The following ALG8 variants were observed in gnomAD, a reference collection of about 807,000 sequenced individuals.
ALG8 encodes the protein dolichyl pyrophosphate Glc1Man9GlcNAc2 alpha-1,3-glucosyltransferase.
A neutral mutation model predicts 70.2 loss-of-function variants in ALG8; 48 were observed. The observed-to-expected ratio is 0.68, with a 90% CI of 0.54 to 0.87. ALG8 has a LOEUF of 0.87. ALG8 is among the 40% of genes least tolerant of loss of function. The pLI is 0.00. For synonymous variants in ALG8, 234 were observed against 229.0 expected, an observed-to-expected ratio of 1.02 and a Z score of -0.20; for missense variants, 572 against 608.7, an observed-to-expected ratio of 0.94 and a Z score of 0.64.
chr11:78,136,283 T>C (rs993252532), intron 1 of ALG8, among the ~76,000 whole-genome samples: 3 of 150,592 alleles, frequency 2.0e-5, no homozygotes, highest in Non-Finnish European at 4.4e-5. Flanking sequence ...GGCAACACAG[T>C]GACACCTCGT....
At position 78,114,282 on chromosome 11, in the gene ALG8, G is replaced by C; in HGVS notation, c.657C>G (p.Phe219Leu). 1 of 1,614,096 alleles carries C rather than the reference G, an allele frequency of 6.2e-7. No homozygotes were observed. The change falls in exon 6 of 13, where the codon TTC becomes TTG. Residue 219 changes from phenylalanine to leucine, a missense_variant. Physicochemically the swap from Phe to Leu is conservative, Grantham distance 22. Transcript: ENST00000299626. ...YGVYLLRSYC[F>L]TANKPDGSIR... is the part of the protein sequence containing the mutation. ...AAAACTTGCCTGGTTTATTTGCAGT[G>C]AAACAGTAGGATCGCAGCAGATATA...
chr11:78,134,690 C>G (rs1861467180), intron 1 of ALG8, among the ~76,000 whole-genome samples: 2 of 152,230 alleles, frequency 1.3e-5, no homozygotes, highest in South Asian at 4.1e-4. Flanking sequence ...GAGTGCATCT[C>G]AAAAGAAACC....
intron 1 of ALG8, among the ~76,000 whole-genome samples, chr11:78,129,720 G>A (rs1490170241): frequency 6.6e-6 from 1 of 152,150 alleles, no homozygotes; most frequent in Admixed American, 6.6e-5. Flanking sequence ...CACTCTGAAG[G>A]CCAGTGAAAT....
At chr11:78,131,254 C>G (rs1022759035) in intron 1 of ALG8, among the ~76,000 whole-genome samples, 1 of 151,244 alleles carries the variant, frequency 6.6e-6, no homozygotes, top group Non-Finnish European at 1.5e-5. Flanking sequence ...AAAAGCAAAA[C>G]TAAGACTAGA....
At chr11:78,109,658 G>T in intron 8 of ALG8, 77 bp from the exon 9 acceptor site, 1 of 1,398,430 alleles carries the variant, frequency 7.2e-7, no homozygotes, top group Non-Finnish European at 1.0e-6. Context: ...TCAATTCCTT[G>T]AGGAATAAAA....
At chr11:78,112,579 T>G (rs749461869) in intron 8 of ALG8, 71 bp downstream of exon 8, 1 of 1,599,292 alleles carries the variant, frequency 6.3e-7, no homozygotes, top group East Asian at 2.3e-5. Flanking sequence ...ACACAAAGGT[T>G]TTTCCATTTC....
At chr11:78,124,313 C>A in intron 2 of ALG8, 99 bp from the exon 3 acceptor site, 1 of 1,252,774 alleles carries the variant, frequency 8.0e-7, no homozygotes, top group South Asian at 1.2e-5. Context: ...TTTAAAACAG[C>A]ACAATAAGGC....
intron 9 of ALG8, among the ~76,000 whole-genome samples, chr11:78,108,806 G>C (rs974299982): frequency 5.3e-5 from 8 of 152,292 alleles, no homozygotes; most frequent in Non-Finnish European, 1.2e-4. Flanking sequence ...GAAACATTCA[G>C]AAACCAAAAT....
chr11:78,122,857 C>T lies in ALG8; in HGVS notation c.368+1164G>A, dbSNP rs113858884. 4.6e-5 allele frequency among the ~76,000 whole-genome samples: 4 copies of T among 87,420 alleles called. No homozygotes were observed. The East Asian group carries it at 1.0e-3, about 22-fold the overall frequency. 57.4% of individuals were successfully genotyped at this position (87,420 alleles called of 152,430 possible). A position where few individuals can be genotyped will look rare whatever the true frequency, so the allele number is the denominator to read the frequency against. ...CAAACAGGATTATTCAATGAGAATGCGCAAGGGTTAAAGACATTCCCAAGG... is the reference window on the plus strand; with the variant it reads ...CAAACAGGATTATTCAATGAGAATGTGCAAGGGTTAAAGACATTCCCAAGG... On this transcript the variant is annotated intron_variant, in intron 3 of 12. Coordinates refer to ENST00000299626, the MANE Select transcript of ALG8 (RefSeq NM_024079.5).
intron 1 of ALG8, among the ~76,000 whole-genome samples, chr11:78,130,361 A>AAAAAAAAAAAAAAAAAAGGAAAG (rs928560857): frequency 1.5e-5 from 2 of 132,636 alleles, no homozygotes; most frequent in African/African-American, 6.3e-5. Context: ...AAAAAAAAAA[A>AAAAAAAAAAAAAAAAAAGGAAAG]AAAAAAGGTG....
chr11:78,109,802 T>C (rs569975312), intron 8 of ALG8, among the ~76,000 whole-genome samples: 1 of 152,310 alleles, frequency 6.6e-6, no homozygotes, highest in African/African-American at 2.4e-5. Flanking sequence ...AACAGGGAAT[T>C]TGTGCAGCTT....
At chr11:78,127,221 C>T in intron 2 of ALG8, 137 bp downstream of exon 2, 1 of 720,134 alleles carries the variant, frequency 1.4e-6, no homozygotes, top group Non-Finnish European at 2.3e-6. Flanking sequence ...TCATGATCTG[C>T]CCGCCTTGGC....
chr11:78,108,695 C>T (rs1860150646), intron 9 of ALG8, among the ~76,000 whole-genome samples: 1 of 152,080 alleles, frequency 6.6e-6, no homozygotes, highest in Non-Finnish European at 1.5e-5. Flanking sequence ...AATGTTTTAC[C>T]TCAATTAAAA....
intron 1 of ALG8, among the ~76,000 whole-genome samples, chr11:78,131,598 G>C (rs533973927): frequency 1.3e-5 from 2 of 152,152 alleles, no homozygotes; most frequent in Admixed American, 6.6e-5. Context: ...GTTAGACTCT[G>C]TCTCTAAAAT....
intron 5 of ALG8, among the ~76,000 whole-genome samples, chr11:78,115,806 A>G (rs1272362196): frequency 2.6e-5 from 4 of 152,232 alleles, no homozygotes; most frequent in Admixed American, 2.6e-4. Context: ...ACATACTGCA[A>G]ACTCTCCTTT....
chr11:78,124,084 G>T lies in ALG8; in HGVS notation c.305C>A (p.Thr102Asn), dbSNP rs1011304345. ...GACGGAAAATCTCTGGAAAAGTAAG[G>T]TCCTTGAGCTGGAGTAATTCAAATT... ...VHNLNYSSSR[T>N]LLFQRFSVIF... is the part of the protein sequence containing the mutation. The change falls in exon 3 of 13, where the codon ACC (threonine) becomes AAC (asparagine). Residue 102 changes from threonine (T) to asparagine (N), a missense_variant. Thr to Asn is a moderately conservative substitution (Grantham distance 65, BLOSUM62 0). Coordinates refer to ENST00000299626, the MANE Select transcript of ALG8 (RefSeq NM_024079.5). 1 of 1,613,980 alleles carries T rather than the reference G, an allele frequency of 6.2e-7. No individual in the cohort carries two copies. The highest frequency in any genetic ancestry group is 8.5e-7 in the Non-Finnish European group (1 of 1,180,028).
intron 10 of ALG8, among the ~76,000 whole-genome samples, chr11:78,105,167 T>G (rs1475591383): frequency 6.6e-6 from 1 of 152,100 alleles, no homozygotes; most frequent in East Asian, 1.9e-4. Context: ...CATTAAAAGT[T>G]TTTGCTTTAC....
chr11:78,127,628 G>T (rs1467229710), intron 1 of ALG8, among the ~76,000 whole-genome samples, 192 bp from the exon 2 acceptor site: 2 of 151,832 alleles, frequency 1.3e-5, no homozygotes, highest in Non-Finnish European at 2.9e-5. Context: ...CTAGAAAGTT[G>T]TTGAGCAATC....
intron 1 of ALG8, among the ~76,000 whole-genome samples, chr11:78,131,693 C>A (rs910741537): frequency 1.3e-5 from 2 of 152,088 alleles, no homozygotes; most frequent in African/African-American, 4.8e-5. Context: ...CCCAAACTCC[C>A]AAGCTCAAGC....
Sources: gnomAD v4.1 joint callset for allele counts (sites outside exome capture counted in the v4.1 genomes callset) on GRCh38, gnomAD v4.1.1 for gene constraint, MANE v1.5 for transcripts, NCBI Gene and HGNC (gene_info 2026-07-23, HGNC 2026-07-21) for gene names.